IMMP2L: variants seen among roughly 807,000 people sequenced by gnomAD.
IMMP2L encodes mitochondrial inner membrane protease subunit 2.
A neutral mutation model predicts 19.3 loss-of-function variants in IMMP2L; 18 were observed. The observed-to-expected ratio is 0.93, with a 90% CI of 0.64 to 1.38. IMMP2L has a LOEUF of 1.38. IMMP2L is among the 40% of genes most tolerant of loss of function. The pLI is 0.00. For synonymous variants in IMMP2L, 76 were observed against 73.0 expected, an observed-to-expected ratio of 1.04 and a Z score of -0.21; for missense variants, 233 against 218.2, an observed-to-expected ratio of 1.07 and a Z score of -0.43.
chr7:111,469,498 T>C lies in IMMP2L; in HGVS notation c.239+17740A>G, dbSNP rs543076078. 6.0e-4 allele frequency among the ~76,000 whole-genome samples: 92 copies of C among 152,220 alleles called. 1 individual carries two copies. Among genetic ancestry groups the C allele is most frequent in the South Asian group, 5.6e-3 (27 of 4,824 alleles). Reference sequence around the variant, plus strand: ...CCCTTGTAAGTTGGATTCCTAGGTATTTTATTCTCTTTGAAGCAATTGTGA... The same window carrying C: ...CCCTTGTAAGTTGGATTCCTAGGTACTTTATTCTCTTTGAAGCAATTGTGA... On this transcript the variant is annotated intron_variant, in intron 3 of 5. Transcript: ENST00000405709.
chr7:110,715,089 T>C (rs904545079), intron 5 of IMMP2L, among the ~76,000 whole-genome samples: 1 of 152,212 alleles, frequency 6.6e-6, no homozygotes, highest in African/African-American at 2.4e-5. Context: ...GAGGATGCTT[T>C]ATGTTTCTGT....
intron 5 of IMMP2L, among the ~76,000 whole-genome samples, chr7:110,879,324 G>T (rs758054082): frequency 6.6e-6 from 1 of 151,664 alleles, no homozygotes; most frequent in Non-Finnish European, 1.5e-5. Context: ...GGAGGCGGAG[G>T]TTGCAGTGAG....
intron 5 of IMMP2L, among the ~76,000 whole-genome samples, chr7:110,821,132 T>C (rs972245202): frequency 2.6e-5 from 4 of 151,842 alleles, no homozygotes; most frequent in Middle Eastern, 3.2e-3. Context: ...TTAACTCTTA[T>C]ATACACTAAC....
At chr7:110,840,982 G>A (rs1420587937) in intron 5 of IMMP2L, among the ~76,000 whole-genome samples, 1 of 151,980 alleles carries the variant, frequency 6.6e-6, no homozygotes, top group Non-Finnish European at 1.5e-5. Flanking sequence ...GATTCTAATA[G>A]TGAGAAGGCA....
chr7:111,250,364 A>G (rs755426966), intron 3 of IMMP2L, among the ~76,000 whole-genome samples: 1 of 152,198 alleles, frequency 6.6e-6, no homozygotes, highest in East Asian at 1.9e-4. Context: ...TGTTCCCACT[A>G]AACGACCATT....
intron 3 of IMMP2L, among the ~76,000 whole-genome samples, chr7:111,298,342 C>G (rs1541473): frequency 0.36 from 54,624 of 152,020 alleles, 10,247 homozygotes; most frequent in South Asian, 0.61. Context: ...AGAGGGATAG[C>G]AGTACTTGCC....
intron 2 of IMMP2L, among the ~76,000 whole-genome samples, chr7:111,494,943 C>A (rs1041283952): frequency 6.6e-6 from 1 of 152,060 alleles, no homozygotes; most frequent in East Asian, 1.9e-4. Flanking sequence ...TTTCTAAATT[C>A]TTTGTTGATT....
intron 5 of IMMP2L, among the ~76,000 whole-genome samples, chr7:110,748,970 G>A (rs990612033): frequency 2.6e-5 from 4 of 152,216 alleles, no homozygotes; most frequent in Non-Finnish European, 5.9e-5. Flanking sequence ...CCAACCTACA[G>A]AATGGGAGAA....
At chr7:110,913,128 T>A (rs1200645151) in intron 4 of IMMP2L, among the ~76,000 whole-genome samples, 1 of 152,174 alleles carries the variant, frequency 6.6e-6, no homozygotes, top group African/African-American at 2.4e-5. Context: ...ATATGTTTAG[T>A]CTTTCTTATA....
chr7:110,978,109 C>T (rs1323336773), intron 3 of IMMP2L, among the ~76,000 whole-genome samples: 1 of 151,848 alleles, frequency 6.6e-6, no homozygotes, highest in Non-Finnish European at 1.5e-5. Context: ...TGAAAGAAAG[C>T]ACAATTTAAA....
At chr7:111,016,337 A>G (rs1194131799) in intron 3 of IMMP2L, among the ~76,000 whole-genome samples, 1 of 144,808 alleles carries the variant, frequency 6.9e-6, no homozygotes, top group East Asian at 2.0e-4. Flanking sequence ...GTAATTATAT[A>G]TATAATAATT....
intron 3 of IMMP2L, among the ~76,000 whole-genome samples, chr7:111,087,845 C>G (rs1796490813): frequency 6.6e-6 from 1 of 152,050 alleles, no homozygotes; most frequent in Non-Finnish European, 1.5e-5. Flanking sequence ...CATAATAATG[C>G]CAGTAATAAT....
chr7:111,158,871 T>A (rs1404022364), intron 3 of IMMP2L, among the ~76,000 whole-genome samples: 5 of 152,148 alleles, frequency 3.3e-5, no homozygotes, highest in Non-Finnish European at 7.4e-5. Context: ...AGTCTAACCT[T>A]TCTCCAATAG....
intron 3 of IMMP2L, among the ~76,000 whole-genome samples, chr7:111,454,133 G>C (rs1363986399): frequency 6.6e-6 from 1 of 152,004 alleles, no homozygotes; most frequent in Non-Finnish European, 1.5e-5. Flanking sequence ...GAGGGTTTTT[G>C]GTTTTTGTTT....
chr7:110,818,966 G>C lies in IMMP2L; in HGVS notation c.408+67627C>G, dbSNP rs188220343. ...CACACTCTGGGGACTGTTGTTGGGT[G>C]GGGGGCGGGGGGAGGGATAGCATTA... On this transcript the variant is annotated intron_variant, in intron 5 of 5. Coordinates refer to ENST00000405709, the MANE Select transcript of IMMP2L (RefSeq NM_032549.4). 1.9e-3 allele frequency among the ~76,000 whole-genome samples: 212 copies of C among 109,434 alleles called. 1 individual carries two copies. The highest frequency in any genetic ancestry group is 7.3e-3 in the African/African-American group (201 of 27,586). 71.8% of individuals were successfully genotyped at this position (109,434 alleles called of 152,430 possible). A position where few individuals can be genotyped will look rare whatever the true frequency, so the allele number is the denominator to read the frequency against.
intron 3 of IMMP2L, among the ~76,000 whole-genome samples, chr7:111,138,005 T>C (rs1312983494): frequency 6.6e-6 from 1 of 152,088 alleles, no homozygotes; most frequent in Non-Finnish European, 1.5e-5. Flanking sequence ...TTGTGGGGTT[T>C]TTTTTGTACA....
chr7:110,783,556 TA>T (rs540006152), intron 5 of IMMP2L, among the ~76,000 whole-genome samples: 1 of 151,786 alleles, frequency 6.6e-6, no homozygotes. Context: ...AACAAACATT[TA>T]AAAAAATTAC....
At chr7:111,300,390 ATTTT>A (rs932554401) in intron 3 of IMMP2L, among the ~76,000 whole-genome samples, 1 of 152,050 alleles carries the variant, frequency 6.6e-6, no homozygotes, top group Non-Finnish European at 1.5e-5. Flanking sequence ...CTTTAATTAA[ATTTT>A]TTTTATTTTG....
chr7:110,807,256 G>A (rs1584890132), intron 5 of IMMP2L, among the ~76,000 whole-genome samples: 1 of 152,104 alleles, frequency 6.6e-6, no homozygotes, highest in East Asian at 1.9e-4. Flanking sequence ...CCATTTTAAA[G>A]CTGATAGAGT....
Sources: allele counts gnomAD v4.1 joint callset (sites outside exome capture counted in the v4.1 genomes callset), GRCh38; gene constraint gnomAD v4.1.1; transcripts MANE v1.5; gene names NCBI Gene and HGNC (gene_info 2026-07-23, HGNC 2026-07-21).